Variants in ABCB8 observed in about 807,000 individuals in gnomAD.
The protein encoded by ABCB8 is ATP binding cassette subfamily B member 8.
A neutral mutation model predicts 73.0 loss-of-function variants in ABCB8; 52 were observed. The observed-to-expected ratio is 0.71, with a 90% CI of 0.57 to 0.90. The LOEUF is 0.90. Among genes scored for constraint, ABCB8 ranks in the 40% least tolerant of loss-of-function variants. The pLI, the probability that ABCB8 is intolerant of heterozygous loss-of-function variation, is 0.00. For missense variants in ABCB8, 909 were observed against 974.6 expected (o/e 0.93, Z 0.90); for synonymous variants, 428 against 423.5 (o/e 1.01, Z -0.13).
At chr7:151,033,181 A>C in intron 1 of ABCB8, 1 of 440,980 alleles carries the variant, frequency 2.3e-6, no homozygotes, top group Non-Finnish European at 4.5e-6. Flanking sequence ...AGTGCCGGGC[A>C]CAGGAGCAGC....
rs1337365405 is a variant in ABCB8 at position 151,044,158 on chromosome 7, C to T, written c.1953C>T (p.His651=). Residue 651 remains histidine (H), a synonymous_variant, in exon 15 of 16, where the codon CAC becomes CAT. Transcript: ENST00000358849. ...GCCGCACGGTGCTGGTAATTGCCCA[C>T]CGGCTCAGCACTGTCCGTGGGGCCC... is the stretch of plus-strand genomic sequence containing the variant. ...SAGRTVLVIA[H]RLSTVRGAHC... is the part of the protein sequence containing the mutation. 2.5e-6 allele frequency: 4 copies of T among 1,613,938 alleles called. No individual in the cohort carries two copies. The Admixed American group carries it at 5.0e-5, about 20-fold the overall frequency.
intron 9 of ABCB8, chr7:151,036,958 T>C: frequency 1.4e-6 from 1 of 699,842 alleles, no homozygotes; most frequent in South Asian, 1.5e-5. Context: ...ACACAAAACA[T>C]AAAATACAGC....
rs2303924 is a variant in ABCB8 at position 151,034,611 on chromosome 7, C to T, written c.659+12C>T. The T allele has an allele frequency of 0.12, 199,869 of 1,613,670 alleles. 13,581 individuals carry two copies. The highest frequency in any genetic ancestry group is 0.26 in the East Asian group (11,738 of 44,854). On this transcript the variant is annotated intron_variant, in intron 4 of 15. Coordinates refer to ENST00000358849, the MANE Select transcript of ABCB8 (RefSeq NM_007188.5). ...AGCTCCCTGCTCCGGTACTGCCAGC[C>T]GCAGGGTGCAGAGTTGGGGTGACTG...
At chr7:151,034,083 G>A (rs1431437948) in intron 2 of ABCB8, among the ~76,000 whole-genome samples, 166 bp downstream of exon 2, 1 of 152,192 alleles carries the variant, frequency 6.6e-6, no homozygotes, top group Non-Finnish European at 1.5e-5. Flanking sequence ...GGCTGGGTGG[G>A]CAGGGTTCCG....
intron 9 of ABCB8, chr7:151,036,929 G>C (rs558156905): frequency 1.4e-6 from 1 of 720,496 alleles, no homozygotes; most frequent in East Asian, 2.6e-5. Flanking sequence ...TTAAAAATTT[G>C]TTTCAACTGT....
Position 151,043,907 on chromosome 7 carries a change from G to T in ABCB8, c.1766-64G>T, listed in dbSNP as rs375898004. 11 of 1,588,534 alleles carry T rather than the reference G, an allele frequency of 6.9e-6. No homozygotes were observed. In the African/African-American group the frequency reaches 1.3e-4, roughly 19 times the overall value. ...GATGGGCGTTCAGGAAGGACCCTGT[G>T]CCCCTTTGTGGGCCACCCTCAAGTG... On this transcript the variant is annotated intron_variant, in intron 14 of 15. Coordinates refer to ENST00000358849, the MANE Select transcript of ABCB8 (RefSeq NM_007188.5).
At chr7:151,031,836 ACTC>A (rs1796172768) in intron 1 of ABCB8, among the ~76,000 whole-genome samples, 1 of 149,892 alleles carries the variant, frequency 6.7e-6, no homozygotes, top group Non-Finnish European at 1.5e-5. Flanking sequence ...TTGATCTAGA[ACTC>A]CTGGCCTCAA....
chr7:151,043,532 C>G (rs539894796), intron 14 of ABCB8, among the ~76,000 whole-genome samples: 51 of 125,700 alleles, frequency 4.1e-4, no homozygotes, highest in Admixed American at 8.0e-4. Context: ...AGAGACAGGA[C>G]TAGGGTGCAC....
chr7:151,032,944 G>A (rs1182485780), intron 1 of ABCB8: 5 of 450,840 alleles, frequency 1.1e-5, no homozygotes, highest in African/African-American at 1.0e-4. Flanking sequence ...GCAGAGTAGA[G>A]CCAGCCTGGG....
chr7:151,044,445 T>C (rs897644632), intron 15 of ABCB8, among the ~76,000 whole-genome samples: 1 of 152,162 alleles, frequency 6.6e-6, no homozygotes, highest in African/African-American at 2.4e-5. Context: ...ATAGTATAAT[T>C]GCACCATCAG....
At chr7:151,030,760 T>G (rs980307368) in intron 1 of ABCB8, among the ~76,000 whole-genome samples, 4 of 152,068 alleles carry the variant, frequency 2.6e-5, no homozygotes. Context: ...GCCAACATGG[T>G]GAAGCCCTGT....
intron 8 of ABCB8, 112 bp downstream of exon 8, chr7:151,036,282 C>T (rs760113622): frequency 1.8e-5 from 20 of 1,124,226 alleles, no homozygotes; most frequent in South Asian, 9.2e-5. Flanking sequence ...GCATTCGCCT[C>T]GGGCCAGCTG....
chr7:151,030,786 A>G (rs1796141662), intron 1 of ABCB8, among the ~76,000 whole-genome samples: 1 of 152,020 alleles, frequency 6.6e-6, no homozygotes, highest in African/African-American at 2.4e-5. Context: ...CTAAAAATAC[A>G]AAAATTAACC....
chr7:151,044,383 T>C (rs1385204249), intron 15 of ABCB8, among the ~76,000 whole-genome samples, 162 bp downstream of exon 15: 2 of 152,168 alleles, frequency 1.3e-5, no homozygotes, highest in Non-Finnish European at 2.9e-5. Context: ...GTTCCTGCAT[T>C]CAGCCAAGCC....
At chr7:151,037,800 A>G (rs1796352106) in intron 9 of ABCB8, 2 of 170,072 alleles carry the variant, frequency 1.2e-5, no homozygotes, top group South Asian at 2.9e-4. Flanking sequence ...CGGGAGGCGG[A>G]CGGAGACAGG....
rs1035556421 is a variant in ABCB8 at position 151,040,290 on chromosome 7, C to T, written c.1240C>T (p.Leu414=). The T allele has an allele frequency of 5.6e-6, 9 of 1,613,126 alleles. No individual in the cohort carries two copies. The highest frequency in any genetic ancestry group is 2.5e-6 in the Non-Finnish European group (3 of 1,179,678). Reference sequence around the variant, plus strand: ...CAGGTCCATGGCCAACCTCTCTGTCCTGTTTGGGCAGGTGAGTGGCCGGTA... The same window carrying T: ...CAGGTCCATGGCCAACCTCTCTGTCTTGTTTGGGCAGGTGAGTGGCCGGTA... ...VQRSMANLSV[L]FGQVVRGLSA... is the part of the protein sequence containing the mutation. The change falls in exon 10 of 16, where the codon CTG becomes TTG. Residue 414 remains leucine (L), a synonymous_variant. Coordinates refer to ENST00000358849, the MANE Select transcript of ABCB8 (RefSeq NM_007188.5).
chr7:151,041,379 C>T (rs1796461482), intron 13 of ABCB8, 147 bp downstream of exon 13: 8 of 1,175,060 alleles, frequency 6.8e-6, no homozygotes, highest in Non-Finnish European at 9.3e-6. Flanking sequence ...ATGTCCTCAG[C>T]TGTTGTCTGG....
chr7:151,031,631 G>T, intron 1 of ABCB8: 2 of 181,552 alleles, frequency 1.1e-5, no homozygotes, highest in Non-Finnish European at 1.2e-5. Flanking sequence ...CCTCTGCTAT[G>T]ATCTTTTTTT....
chr7:151,035,756 T>C lies in ABCB8; in HGVS notation c.927+14T>C. 6.2e-7 allele frequency: 1 copy of C among 1,612,060 alleles called. No individual in the cohort carries two copies. The highest frequency in any genetic ancestry group is 8.5e-7 in the Non-Finnish European group (1 of 1,180,010). ...TGTCAGGAGCAGGTACCGGCATTCC[T>C]GGCCATCCTCTTCACCCTCCCCACA... On this transcript the variant is annotated intron_variant, in intron 6 of 15. Transcript: ENST00000358849.
Sources: allele counts gnomAD v4.1 joint callset (sites outside exome capture counted in the v4.1 genomes callset), GRCh38; gene constraint gnomAD v4.1.1; transcripts MANE v1.5; gene names NCBI Gene and HGNC (gene_info 2026-07-23, HGNC 2026-07-21).